The following ORC2 variants were observed in gnomAD, a reference collection of about 807,000 sequenced individuals.
The protein encoded by ORC2 is origin recognition complex protein 2 homolog.
A neutral mutation model predicts 77.7 loss-of-function variants in ORC2; 37 were observed. The observed-to-expected ratio is 0.48, with a 90% confidence interval of 0.37 to 0.63. ORC2 has a LOEUF of 0.63. Among genes scored for constraint, ORC2 ranks in the 20% least tolerant of loss-of-function variants. The pLI, the probability that ORC2 is intolerant of heterozygous loss-of-function variation, is 0.00. For missense variants in ORC2, 557 were observed against 661.9 expected (o/e 0.84, Z 1.74); for synonymous variants, 201 against 229.5 (o/e 0.88, Z 1.12).
intron 14 of ORC2, 88 bp from the exon 15 acceptor site, chr2:200,920,481 G>A (rs2040737393): frequency 9.0e-7 from 1 of 1,105,616 alleles, no homozygotes; most frequent in Admixed American, 3.0e-5. Flanking sequence ...AATGAGAAAG[G>A]ATTAAATAAA....
chr2:200,936,617 C>T (rs923886500), intron 8 of ORC2, among the ~76,000 whole-genome samples: 4 of 152,122 alleles, frequency 2.6e-5, no homozygotes, highest in Admixed American at 1.3e-4. Context: ...ATGGCTTAAA[C>T]TACCATTATA....
intron 6 of ORC2, 53 bp downstream of exon 6, chr2:200,942,632 T>C (rs2041174452): frequency 1.1e-6 from 1 of 904,872 alleles, no homozygotes; most frequent in Non-Finnish European, 1.7e-6. Flanking sequence ...TAACATGCTC[T>C]ATCTTGAAGC....
chr2:200,922,730 C>T (rs16835746), intron 13 of ORC2, among the ~76,000 whole-genome samples: 1,712 of 152,194 alleles, frequency 0.011, 15 homozygotes, highest in Non-Finnish European at 0.017. Context: ...CAAAACCAAA[C>T]GTATGTATAC....
At chr2:200,954,984 T>A (rs1452720665) in intron 4 of ORC2, among the ~76,000 whole-genome samples, 1 of 152,170 alleles carries the variant, frequency 6.6e-6, no homozygotes, top group Non-Finnish European at 1.5e-5. Flanking sequence ...CTCAGGCCTT[T>A]GAGGATGCCA....
intron 5 of ORC2, among the ~76,000 whole-genome samples, chr2:200,946,595 G>A (rs964554699): frequency 2.6e-5 from 4 of 152,120 alleles, no homozygotes; most frequent in African/African-American, 9.7e-5. Flanking sequence ...ACAGAAATGC[G>A]CAGAATGAGG....
chr2:200,939,840 AG>A (rs1168360718), intron 7 of ORC2, among the ~76,000 whole-genome samples: 30 of 152,242 alleles, frequency 2.0e-4, no homozygotes, highest in African/African-American at 6.0e-4. Context: ...AACTTGAGAA[AG>A]AATAATCTAA....
intron 11 of ORC2, among the ~76,000 whole-genome samples, chr2:200,930,895 G>C (rs1276435764): frequency 1.3e-5 from 2 of 152,006 alleles, no homozygotes; most frequent in African/African-American, 4.8e-5. Context: ...AATGCTTATA[G>C]AACAAATCTG....
chr2:200,927,886 G>A (rs1039190294), intron 11 of ORC2, among the ~76,000 whole-genome samples: 3 of 150,630 alleles, frequency 2.0e-5, no homozygotes, highest in Admixed American at 6.6e-5. Context: ...TAGTAGAGAC[G>A]GGGTTTCACC....
chr2:200,957,205 C>T (rs2041482703), intron 4 of ORC2, among the ~76,000 whole-genome samples, 196 bp downstream of exon 4: 1 of 152,062 alleles, frequency 6.6e-6, no homozygotes, highest in Non-Finnish European at 1.5e-5. Context: ...TCTATAGATT[C>T]CTTCTTACTG....
Position 200,957,424 on chromosome 2 carries a change from T to G in ORC2, c.215A>C (p.Glu72Ala), listed in dbSNP as rs2041488914. ...ACCTTGAACATCTCTTCCCATAATT[T>G]CCACATAGTTCTGATCTTTTAAGAC... ...QEVLKDQNYV[E>A]IMGRDVQESL... The change falls in exon 4 of 18, where the codon GAA (glutamate) becomes GCA (alanine). Residue 72 changes from glutamate (E) to alanine (A), a missense_variant. Glu to Ala is a moderately radical substitution (Grantham distance 107). Transcript: ENST00000234296. 6.9e-6 allele frequency: 11 copies of G among 1,598,264 alleles called. No homozygotes were observed. Among genetic ancestry groups the G allele is most frequent in the Middle Eastern group, 1.7e-4 (1 of 5,978 alleles).
chr2:200,933,946 G>A lies in ORC2; in HGVS notation c.737C>T (p.Ala246Val). The part of the protein sequence containing the change: ...TSDLVEEYFE[A>V]HSSSKVLTSD... ...GGTTAAAACTTTTGAACTGCTGTGA[G>A]CTTCAAAATATTCTTCTACTAAGTC... is the stretch of plus-strand genomic sequence containing the variant. The change falls in exon 10 of 18, where the codon GCT becomes GTT. Residue 246 changes from alanine to valine, a missense_variant. Ala to Val is a moderately conservative substitution (Grantham distance 64). Coordinates refer to ENST00000234296, the MANE Select transcript of ORC2 (RefSeq NM_006190.5). The A allele has an allele frequency of 3.1e-6, 5 of 1,607,868 alleles. No homozygotes were observed. The highest frequency in any genetic ancestry group is 4.3e-6 in the Non-Finnish European group (5 of 1,175,686).
chr2:200,925,245 T>C (rs2040822876), intron 13 of ORC2, among the ~76,000 whole-genome samples: 1 of 152,038 alleles, frequency 6.6e-6, no homozygotes, highest in African/African-American at 2.4e-5. Flanking sequence ...GAGAATTGCT[T>C]GAACCCGGGA....
chr2:200,947,084 G>A (rs1175074307), intron 5 of ORC2, among the ~76,000 whole-genome samples: 1 of 151,822 alleles, frequency 6.6e-6, no homozygotes, highest in African/African-American at 2.4e-5. Flanking sequence ...TGTATTTTTA[G>A]TAGAGCTGGG....
intron 9 of ORC2, 139 bp downstream of exon 9, chr2:200,935,560 G>A (rs2041025369): frequency 1.5e-6 from 1 of 648,324 alleles, no homozygotes; most frequent in Admixed American, 3.3e-5. Context: ...ATATATGTGG[G>A]AATTTATGTG....
chr2:200,923,099 T>C (rs747826247), intron 13 of ORC2, among the ~76,000 whole-genome samples: 3 of 152,230 alleles, frequency 2.0e-5, no homozygotes, highest in Non-Finnish European at 2.9e-5. Flanking sequence ...CTGGGAAATA[T>C]ATACTTGACT....
At chr2:200,940,309 G>A (rs2041124236) in intron 7 of ORC2, among the ~76,000 whole-genome samples, 3 of 152,106 alleles carry the variant, frequency 2.0e-5, no homozygotes, top group African/African-American at 7.2e-5. Flanking sequence ...GAGTAACACT[G>A]CAGAGAGCTA....
At chr2:200,947,804 T>C (rs1001475059) in intron 5 of ORC2, among the ~76,000 whole-genome samples, 1 of 152,072 alleles carries the variant, frequency 6.6e-6, no homozygotes, top group African/African-American at 2.4e-5. Context: ...GGTGTGATCA[T>C]GGCTCACTGC....
At position 200,963,122 on chromosome 2, in the gene ORC2, T is replaced by C. The variant is rs16836341; in HGVS notation, c.-60+368A>G. 242 of 235,068 alleles carry C rather than the reference T, an allele frequency of 1.0e-3. 6 individuals are homozygous for C. In the East Asian group the frequency reaches 0.018, roughly 17 times the overall value. 14.6% of individuals were successfully genotyped at this position (235,068 alleles called of 1,614,324 possible). On this transcript the variant is annotated intron_variant, in intron 1 of 17. Coordinates refer to ENST00000234296, the MANE Select transcript of ORC2 (RefSeq NM_006190.5). Reference sequence around the variant, plus strand: ...TTTCCAACCAGAGGGCTTCGTAAGCTGGGAATCAGGTAGGTTAGTATCAGG... The same window carrying C: ...TTTCCAACCAGAGGGCTTCGTAAGCCGGGAATCAGGTAGGTTAGTATCAGG...
At chr2:200,953,885 T>C (rs538237240) in intron 4 of ORC2, among the ~76,000 whole-genome samples, 1 of 152,308 alleles carries the variant, frequency 6.6e-6, no homozygotes, top group Non-Finnish European at 1.5e-5. Context: ...GGTGTGATTG[T>C]GGCTCACTGC....
Sources: gnomAD v4.1 joint callset for allele counts (sites outside exome capture counted in the v4.1 genomes callset) on GRCh38, gnomAD v4.1.1 for gene constraint, MANE v1.5 for transcripts, NCBI Gene and HGNC (gene_info 2026-07-23, HGNC 2026-07-21) for gene names.